Variants in ROBO2 observed in about 807,000 individuals in gnomAD.
ROBO2 encodes the protein roundabout homolog 2.
ROBO2 carries 53 observed loss-of-function variants against 160.8 expected under a neutral mutation model. The ratio of observed to expected loss-of-function variants is 0.33; its 90% CI spans 0.26 to 0.41. ROBO2 has a LOEUF of 0.41. ROBO2 is among the 10% of genes least tolerant of loss of function. ROBO2 has a pLI of 1.00. For synonymous variants in ROBO2, 664 were observed against 611.7 expected (o/e 1.09, Z -1.26); for missense variants, 1,577 against 1,722.4 (o/e 0.92, Z 1.49).
intron 16 of ROBO2, among the ~76,000 whole-genome samples, chr3:77,582,876 C>T (rs975215296): frequency 4.6e-5 from 7 of 151,992 alleles, no homozygotes; most frequent in Non-Finnish European, 1.0e-4. Context: ...CGCAGTGGCT[C>T]ACGTCTGTAA....
At chr3:76,776,564 G>A (rs1482708594) in intron 2 of ROBO2, among the ~76,000 whole-genome samples, 1 of 150,802 alleles carries the variant, frequency 6.6e-6, no homozygotes, top group Non-Finnish European at 1.5e-5. Context: ...ATGCAGATAT[G>A]CCATTGCACT....
At chr3:76,089,904 A>T (rs2069161435) in intron 2 of ROBO2, among the ~76,000 whole-genome samples, 1 of 152,176 alleles carries the variant, frequency 6.6e-6, no homozygotes, top group African/African-American at 2.4e-5. Flanking sequence ...TGCAGATGAC[A>T]TGATTGTTGA....
At chr3:76,628,433 G>GTTTTT (rs10670772) in intron 2 of ROBO2, among the ~76,000 whole-genome samples, 2 of 135,366 alleles carry the variant, frequency 1.5e-5, no homozygotes, top group East Asian at 2.2e-4. Context: ...TAATTTTTAG[G>GTTTTT]TTTTTTTTTT....
intron 2 of ROBO2, among the ~76,000 whole-genome samples, chr3:77,012,230 A>G (rs1275396809): frequency 6.6e-6 from 1 of 152,182 alleles, no homozygotes; most frequent in Non-Finnish European, 1.5e-5. Context: ...CCACTACAGC[A>G]TACCCTGGAA....
At chr3:76,015,681 G>A (rs1215498764) in intron 2 of ROBO2, among the ~76,000 whole-genome samples, 1 of 152,162 alleles carries the variant, frequency 6.6e-6, no homozygotes, top group Admixed American at 6.5e-5. Flanking sequence ...CAATCCATTT[G>A]TTGCAGGGCT....
intron 2 of ROBO2, among the ~76,000 whole-genome samples, chr3:76,259,852 G>A (rs997287485): frequency 6.6e-6 from 1 of 152,026 alleles, no homozygotes; most frequent in East Asian, 1.9e-4. Flanking sequence ...GCTAAACCTG[G>A]GTAATAACAT....
At chr3:77,214,682 C>A (rs2084680297) in intron 2 of ROBO2, among the ~76,000 whole-genome samples, 1 of 152,172 alleles carries the variant, frequency 6.6e-6, no homozygotes, top group Admixed American at 6.5e-5. Flanking sequence ...CCTCAATGGT[C>A]TTTACAATTT....
At chr3:76,185,021 A>G (rs1457151414) in intron 2 of ROBO2, among the ~76,000 whole-genome samples, 1 of 151,156 alleles carries the variant, frequency 6.6e-6, no homozygotes, top group Non-Finnish European at 1.5e-5. Flanking sequence ...TCACAGACAT[A>G]CCCCCAGATA....
chr3:76,465,998 G>GTGTGTGTGT (rs1553763872), intron 2 of ROBO2, among the ~76,000 whole-genome samples: 3 of 147,566 alleles, frequency 2.0e-5, no homozygotes, highest in East Asian at 2.0e-4. Context: ...ATAAAATATG[G>GTGTGTGTGT]GTGTGTGTGT....
intron 2 of ROBO2, among the ~76,000 whole-genome samples, chr3:77,311,560 C>T (rs781718924): frequency 1.3e-5 from 2 of 152,132 alleles, no homozygotes; most frequent in East Asian, 1.9e-4. Context: ...TGATTAAGAA[C>T]GAAAGGGATT....
intron 2 of ROBO2, among the ~76,000 whole-genome samples, chr3:76,255,649 A>G (rs111511720): frequency 6.6e-6 from 1 of 152,126 alleles, no homozygotes; most frequent in Non-Finnish European, 1.5e-5. Flanking sequence ...TTGAAAATAA[A>G]CTATAATAAT....
intron 2 of ROBO2, among the ~76,000 whole-genome samples, chr3:76,728,708 G>A (rs1235463897): frequency 6.6e-6 from 1 of 152,192 alleles, no homozygotes; most frequent in Non-Finnish European, 1.5e-5. Flanking sequence ...GCAACCTACA[G>A]TCCAGTCACC....
At chr3:76,818,895 C>T (rs2065898699) in intron 2 of ROBO2, among the ~76,000 whole-genome samples, 3 of 151,958 alleles carry the variant, frequency 2.0e-5, no homozygotes, top group Admixed American at 2.0e-4. Flanking sequence ...TGATGTGATT[C>T]CTCCAGATTT....
intron 2 of ROBO2, among the ~76,000 whole-genome samples, chr3:76,373,871 A>G (rs1374586174): frequency 6.6e-6 from 1 of 151,796 alleles, no homozygotes; most frequent in African/African-American, 2.4e-5. Flanking sequence ...TCAGTAATGG[A>G]CTTGGTCATG....
chr3:77,443,963 A>T (rs1193281576), intron 2 of ROBO2, among the ~76,000 whole-genome samples: 1 of 152,186 alleles, frequency 6.6e-6, no homozygotes, highest in African/African-American at 2.4e-5. Context: ...TGCATAAAGC[A>T]TCTTAGGCTT....
At chr3:76,013,717 AATCCCAGAAGTAAT>A (rs1289376364) in intron 2 of ROBO2, among the ~76,000 whole-genome samples, 2 of 151,372 alleles carry the variant, frequency 1.3e-5, no homozygotes, top group African/African-American at 2.4e-5. Flanking sequence ...TTATGCATGT[AATCCCAGAAGTAAT>A]ATGTATAAAG....
At chr3:76,377,389 A>G (rs2076399479) in intron 2 of ROBO2, among the ~76,000 whole-genome samples, 1 of 152,116 alleles carries the variant, frequency 6.6e-6, no homozygotes, top group Non-Finnish European at 1.5e-5. Flanking sequence ...AAGAGATTGC[A>G]CGATGGTTGT....
At chr3:76,362,172 C>A (rs2075559573) in intron 2 of ROBO2, among the ~76,000 whole-genome samples, 1 of 151,952 alleles carries the variant, frequency 6.6e-6, no homozygotes, top group Admixed American at 6.6e-5. Context: ...TGAGACCAGC[C>A]TGGTCAACAT....
At chr3:76,588,234 CTG>C (rs2086180203) in intron 2 of ROBO2, among the ~76,000 whole-genome samples, 1 of 152,130 alleles carries the variant, frequency 6.6e-6, no homozygotes, top group African/African-American at 2.4e-5. Context: ...CAGTATGTGA[CTG>C]TGTCATGTAT....
Sources: gnomAD v4.1 joint callset for allele counts (sites outside exome capture counted in the v4.1 genomes callset) on GRCh38, gnomAD v4.1.1 for gene constraint, MANE v1.5 for transcripts, NCBI Gene and HGNC (gene_info 2026-07-23, HGNC 2026-07-21) for gene names.